CPED1: variants seen among roughly 807,000 people sequenced by gnomAD.
CPED1 encodes cadherin-like and PC-esterase domain-containing protein 1.
CPED1 carries 114 observed loss-of-function variants against 128.2 expected under a neutral mutation model. The ratio of observed to expected loss-of-function variants is 0.89; its 90% CI spans 0.76 to 1.04. CPED1 has a LOEUF of 1.04. Among genes scored for constraint, CPED1 ranks in the 50% least tolerant of loss-of-function variants. The pLI, the probability that CPED1 is intolerant of heterozygous loss-of-function variation, is 0.00. For synonymous variants in CPED1, 462 were observed against 426.7 expected, an observed-to-expected ratio of 1.08 and a Z score of -1.02; for missense variants, 1,211 against 1,207.1, an observed-to-expected ratio of 1.00 and a Z score of -0.05.
intron 16 of CPED1, among the ~76,000 whole-genome samples, chr7:121,185,077 C>T (rs915222570): frequency 5.3e-5 from 8 of 152,026 alleles, no homozygotes; most frequent in African/African-American, 9.7e-5. Context: ...GAAATGATCT[C>T]ACAATGGGAG....
chr7:121,185,458 C>T (rs939547671), intron 16 of CPED1, among the ~76,000 whole-genome samples: 1 of 152,056 alleles, frequency 6.6e-6, no homozygotes, highest in Admixed American at 6.6e-5. Flanking sequence ...TATTAAATCA[C>T]AGGAGATAGG....
chr7:121,269,621 T>C (rs1348090652), intron 21 of CPED1, among the ~76,000 whole-genome samples: 2 of 152,140 alleles, frequency 1.3e-5, no homozygotes, highest in African/African-American at 4.8e-5. Flanking sequence ...CAACAGTTTA[T>C]AAGCATTCCT....
Position 121,288,815 on chromosome 7 carries a change from C to G in CPED1, c.2869-6625C>G, listed in dbSNP as rs183334745. 1.5e-3 allele frequency among the ~76,000 whole-genome samples: 225 copies of G among 152,124 alleles called. 1 individual carries two copies. Among genetic ancestry groups the G allele is most frequent in the Non-Finnish European group, 2.9e-3 (195 of 67,980 alleles). ...CAAAAGCCAGAACTCTAGATAAAAT[C>G]GTATAAACAAAATTAACCTTATTTT... On this transcript the variant is annotated intron_variant, in intron 22 of 22. Coordinates refer to ENST00000310396, the MANE Select transcript of CPED1 (RefSeq NM_024913.5).
intron 22 of CPED1, among the ~76,000 whole-genome samples, chr7:121,279,149 A>C (rs1792386492): frequency 6.6e-6 from 1 of 152,170 alleles, no homozygotes; most frequent in Non-Finnish European, 1.5e-5. Context: ...CTCAGATAAT[A>C]ATATTAGTAT....
chr7:121,063,930 A>T (rs765613098), intron 4 of CPED1, among the ~76,000 whole-genome samples: 2 of 152,160 alleles, frequency 1.3e-5, no homozygotes, highest in Admixed American at 6.5e-5. Context: ...TTATGTTACT[A>T]TATTTGTCTC....
chr7:121,287,375 C>T (rs1301659948), intron 22 of CPED1, among the ~76,000 whole-genome samples: 1 of 121,546 alleles, frequency 8.2e-6, no homozygotes, highest in Admixed American at 7.7e-5. Flanking sequence ...CCAAGGAAAC[C>T]TTCAGTGAAA....
intron 17 of CPED1, among the ~76,000 whole-genome samples, chr7:121,238,162 G>A (rs1308199651): frequency 1.3e-5 from 2 of 152,158 alleles, no homozygotes; most frequent in African/African-American, 4.8e-5. Context: ...GCTAACTTAT[G>A]TTAGGCTTTG....
chr7:121,207,666 A>G (rs1797551034), intron 16 of CPED1, among the ~76,000 whole-genome samples: 1 of 152,018 alleles, frequency 6.6e-6, no homozygotes. Context: ...TAAAACCTAT[A>G]TTTATTCAGC....
At chr7:121,218,730 T>C (rs1202013606) in intron 16 of CPED1, among the ~76,000 whole-genome samples, 2 of 151,946 alleles carry the variant, frequency 1.3e-5, no homozygotes, top group Admixed American at 6.6e-5. Context: ...AGGGGAGGGA[T>C]AGCATTAGGA....
chr7:121,094,168 G>A (rs758768330), intron 5 of CPED1, among the ~76,000 whole-genome samples: 34 of 152,164 alleles, frequency 2.2e-4, no homozygotes, highest in Non-Finnish European at 4.1e-4. Flanking sequence ...AACTAATTGC[G>A]AATTATTAAG....
At chr7:121,149,402 G>A (rs1044615909) in intron 16 of CPED1, among the ~76,000 whole-genome samples, 8 of 152,134 alleles carry the variant, frequency 5.3e-5, no homozygotes, top group African/African-American at 1.9e-4. Flanking sequence ...TATCTTTTGT[G>A]TTGATGAAAA....
At position 120,989,484 on chromosome 7, in the gene CPED1, A is replaced by G; in HGVS notation, c.-138A>G. The G allele has an allele frequency of 8.7e-7, 1 of 1,152,912 alleles. No homozygotes were observed. Among genetic ancestry groups the G allele is most frequent in the Non-Finnish European group, 1.2e-6 (1 of 815,572 alleles). 71.4% of individuals were successfully genotyped at this position (1,152,912 alleles called of 1,614,324 possible). A position where few individuals can be genotyped will look rare whatever the true frequency, so the allele number is the denominator to read the frequency against. On this transcript the variant is annotated 5_prime_UTR_variant, in exon 2 of 23. Coordinates refer to ENST00000310396, the MANE Select transcript of CPED1 (RefSeq NM_024913.5). ...ATTCTTTGGCACAACCTTTTGGAAA[A>G]TTCTTAAGCAGGGATGAAGCAAACT...
At chr7:121,220,123 T>TTA (rs1797845035) in intron 16 of CPED1, among the ~76,000 whole-genome samples, 1 of 152,158 alleles carries the variant, frequency 6.6e-6, no homozygotes, top group East Asian at 1.9e-4. Context: ...GAAATAGAGT[T>TTA]TAGAGACTTA....
At chr7:121,267,461 C>A (rs559317314) in intron 21 of CPED1, among the ~76,000 whole-genome samples, 159 bp downstream of exon 21, 1 of 152,030 alleles carries the variant, frequency 6.6e-6, no homozygotes, top group Non-Finnish European at 1.5e-5. Flanking sequence ...ATTTTACATA[C>A]ACCTTTAAAG....
chr7:121,098,242 A>G (rs1794749137), intron 6 of CPED1, among the ~76,000 whole-genome samples: 1 of 152,136 alleles, frequency 6.6e-6, no homozygotes, highest in South Asian at 2.1e-4. Flanking sequence ...CTGTGTATCA[A>G]GTTATCCAAG....
chr7:121,269,303 G>A (rs1363194254), intron 21 of CPED1, among the ~76,000 whole-genome samples: 3 of 152,014 alleles, frequency 2.0e-5, no homozygotes, highest in African/African-American at 7.2e-5. Context: ...GGCTCCAGGT[G>A]CATCCATGTT....
chr7:121,213,040 T>A (rs929480187), intron 16 of CPED1, among the ~76,000 whole-genome samples: 1 of 151,994 alleles, frequency 6.6e-6, no homozygotes, highest in East Asian at 1.9e-4. Context: ...TTTGACCAAC[T>A]ATAAGCATTT....
rs1792119688 is a variant in CPED1 at position 121,266,241 on chromosome 7, A to C, written c.2325A>C (p.Gly775=). Residue 775 remains glycine, a synonymous_variant, in exon 19 of 23, where the codon GGA becomes GGC. Transcript: ENST00000310396. ...TTAACTTATAGATTCTGTTCATTGGAGATTCAACCAACAGAGGGATCATGT... is the reference window on the plus strand; with the variant it reads ...TTAACTTATAGATTCTGTTCATTGGCGATTCAACCAACAGAGGGATCATGT... ...CLGGRKILFI[G]DSTNRGIMYY... is the part of the protein sequence containing the mutation. 6.2e-7 allele frequency: 1 copy of C among 1,611,680 alleles called. No homozygotes were observed. The highest frequency in any genetic ancestry group is 8.5e-7 in the Non-Finnish European group (1 of 1,178,186).
In CPED1 at chr7:121,068,788, T is replaced by C. The variant is rs571117901; in HGVS notation, c.616+4475T>C. ...CATTTGTTTGTATCCTCTTTTATTT[T>C]ATTGAGCAGTGGTTTGTAGTTCTCC... On this transcript the variant is annotated intron_variant, in intron 5 of 22. Coordinates refer to ENST00000310396, the MANE Select transcript of CPED1 (RefSeq NM_024913.5). Among the ~76,000 whole-genome samples the C allele has an allele frequency of 5.3e-5, 8 of 152,018 alleles. No homozygotes were observed. The South Asian group carries it at 1.0e-3, about 20-fold the overall frequency.
Sources: gnomAD v4.1 joint callset for allele counts (sites outside exome capture counted in the v4.1 genomes callset) on GRCh38, gnomAD v4.1.1 for gene constraint, MANE v1.5 for transcripts, NCBI Gene and HGNC (gene_info 2026-07-23, HGNC 2026-07-21) for gene names.